SEL1L2: variants seen among roughly 807,000 people sequenced by gnomAD.
The protein encoded by SEL1L2 is SEL1L2 adaptor subunit of SYVN1 ubiquitin ligase.
SEL1L2 carries 89 observed loss-of-function variants against 98.8 expected under a neutral mutation model. That is an observed-to-expected ratio of 0.90 (90% confidence interval 0.76 to 1.07). The LOEUF is 1.07. SEL1L2 is among the 50% of genes least tolerant of loss of function. The probability of loss-of-function intolerance (pLI) is 0.00; values close to 1 mark genes in which losing one functional copy is unlikely to be tolerated. For missense variants in SEL1L2, 788 were observed against 812.0 expected (o/e 0.97, Z 0.36); for synonymous variants, 262 against 278.5 (o/e 0.94, Z 0.59).
chr20:13,884,269 C>G (rs552363521), intron 10 of SEL1L2, among the ~76,000 whole-genome samples: 50 of 152,078 alleles, frequency 3.3e-4, no homozygotes, highest in Middle Eastern at 3.4e-3. Context: ...AGACAAGGAG[C>G]ATGTGGCTCC....
At chr20:13,907,742 C>CTTTCT (rs1555880159) in intron 5 of SEL1L2, among the ~76,000 whole-genome samples, 1,217 of 83,474 alleles carry the variant, frequency 0.015, 19 homozygotes, top group African/African-American at 0.047. Context: ...TTCTTTCTTT[C>CTTTCT]TTTCTTTTCT....
intron 11 of SEL1L2, among the ~76,000 whole-genome samples, chr20:13,876,390 T>TTC (rs1189419537): frequency 1.4e-4 from 21 of 146,982 alleles, no homozygotes; most frequent in African/African-American, 4.0e-4. Context: ...TGTTTGTGTT[T>TTC]TCTCTCTCTC....
chr20:13,853,633 G>A (rs538446756), intron 18 of SEL1L2, among the ~76,000 whole-genome samples: 1 of 152,162 alleles, frequency 6.6e-6, no homozygotes, highest in African/African-American at 2.4e-5. Flanking sequence ...CTATAGGACA[G>A]GTGATACTAT....
intron 2 of SEL1L2, among the ~76,000 whole-genome samples, chr20:13,949,752 G>A (rs1298795545): frequency 1.3e-5 from 2 of 150,410 alleles, no homozygotes; most frequent in African/African-American, 2.4e-5. Flanking sequence ...GTGGACTATT[G>A]GTGGGCATGT....
intron 1 of SEL1L2, among the ~76,000 whole-genome samples, chr20:13,956,717 A>G (rs2050558988): frequency 6.6e-6 from 1 of 152,150 alleles, no homozygotes; most frequent in South Asian, 2.1e-4. Context: ...TATATCATAT[A>G]GAATACATGC....
chr20:13,907,306 T>G (rs938035563), intron 5 of SEL1L2, among the ~76,000 whole-genome samples: 7 of 152,190 alleles, frequency 4.6e-5, no homozygotes, highest in African/African-American at 1.7e-4. Flanking sequence ...GGCTCATGCC[T>G]GTGATCCCAG....
In SEL1L2 at chr20:13,889,931, G is replaced by T. The variant is rs1481854925; in HGVS notation, c.550-1419C>A. Among the ~76,000 whole-genome samples, 4 of 152,240 alleles carry T rather than the reference G, an allele frequency of 2.6e-5. No individual in the cohort carries two copies. In the East Asian group the frequency reaches 7.7e-4, roughly 29 times the overall value. On this transcript the variant is annotated intron_variant, in intron 5 of 19. Coordinates refer to ENST00000284951, the MANE Select transcript of SEL1L2 (RefSeq NM_025229.2). ...TCAAAGGCTGAGCACAGAGCAAGAT[G>T]ATGGAATAGGAAGCCTCAGACTGCA... is the stretch of plus-strand genomic sequence containing the variant.
intron 3 of SEL1L2, among the ~76,000 whole-genome samples, chr20:13,922,606 C>T (rs971109528): frequency 2.6e-5 from 4 of 152,100 alleles, no homozygotes; most frequent in Admixed American, 6.6e-5. Context: ...CTAGATTTTC[C>T]GCAGAGGAAA....
intron 5 of SEL1L2, among the ~76,000 whole-genome samples, chr20:13,893,052 C>T (rs917990809): frequency 2.2e-4 from 34 of 152,056 alleles, no homozygotes; most frequent in African/African-American, 7.5e-4. Flanking sequence ...TTCAATTGAC[C>T]CCAACAGACC....
chr20:13,876,170 C>A (rs945133428), intron 11 of SEL1L2, 55 bp from the exon 12 acceptor site: 20 of 1,270,204 alleles, frequency 1.6e-5, no homozygotes, highest in Non-Finnish European at 2.3e-5. Flanking sequence ...GAGAGTAATG[C>A]AAATATTTTA....
chr20:13,956,050 AT>A lies in SEL1L2; in HGVS notation c.114+25del, dbSNP rs772769511. ...TATAGCCTAAATTTTCTATTAAAAA[AT>A]GTAAAGATTTAGCAAAATATTTACC... On this transcript the variant is annotated intron_variant, in intron 2 of 19. Coordinates refer to ENST00000284951, the MANE Select transcript of SEL1L2 (RefSeq NM_025229.2). The A allele has an allele frequency of 4.4e-6, 6 of 1,370,338 alleles. No homozygotes were observed. In the South Asian group the frequency reaches 7.5e-5, roughly 17 times the overall value. 84.9% of individuals were successfully genotyped at this position (1,370,338 alleles called of 1,614,324 possible). A position where few individuals can be genotyped will look rare whatever the true frequency, so the allele number is the denominator to read the frequency against.
intron 1 of SEL1L2, among the ~76,000 whole-genome samples, chr20:13,989,419 A>C (rs886474542): frequency 6.6e-6 from 1 of 152,152 alleles, no homozygotes; most frequent in African/African-American, 2.4e-5. Flanking sequence ...GTGAATACAG[A>C]TCATTTTACT....
intron 2 of SEL1L2, among the ~76,000 whole-genome samples, chr20:13,953,510 A>G (rs752293017): frequency 5.9e-5 from 9 of 152,218 alleles, no homozygotes; most frequent in Middle Eastern, 3.4e-3. Context: ...ACTTCTGCAG[A>G]GGGGGGAATG....
intron 1 of SEL1L2, among the ~76,000 whole-genome samples, chr20:13,984,075 G>T (rs1249152795): frequency 6.7e-6 from 1 of 150,004 alleles, no homozygotes; most frequent in Non-Finnish European, 1.5e-5. Flanking sequence ...GCAGTGGCGT[G>T]ATCTAAGCTC....
Position 13,910,929 on chromosome 20 carries a change from T to C in SEL1L2, c.549+2853A>G, listed in dbSNP as rs888259788. On this transcript the variant is annotated intron_variant, in intron 5 of 19. Transcript: ENST00000284951. ...TAGAGTGAAACTCCAACTTCAGCTC[T>C]AAAATTCATGTGTTTTAGGAACCAT... Among the ~76,000 whole-genome samples the C allele has an allele frequency of 2.0e-5, 3 of 152,250 alleles. No individual in the cohort carries two copies. In the East Asian group the frequency reaches 5.8e-4, roughly 29 times the overall value.
chr20:13,856,258 T>C (rs1056723307), intron 18 of SEL1L2, among the ~76,000 whole-genome samples: 1 of 152,080 alleles, frequency 6.6e-6, no homozygotes, highest in Admixed American at 6.6e-5. Context: ...GCTTCCCAAG[T>C]AGCTGGGACA....
intron 10 of SEL1L2, among the ~76,000 whole-genome samples, chr20:13,878,631 T>A (rs993688957): frequency 4.6e-5 from 7 of 152,274 alleles, no homozygotes; most frequent in Non-Finnish European, 7.3e-5. Context: ...GCTGTAGGAA[T>A]GTTGCTAACT....
At chr20:13,959,844 T>C (rs1157005419) in intron 1 of SEL1L2, among the ~76,000 whole-genome samples, 1 of 152,224 alleles carries the variant, frequency 6.6e-6, no homozygotes, top group Non-Finnish European at 1.5e-5. Flanking sequence ...TATTTTAAAT[T>C]CACAGCCCAA....
intron 1 of SEL1L2, among the ~76,000 whole-genome samples, chr20:13,970,242 A>G (rs868793982): frequency 2.0e-5 from 3 of 152,306 alleles, no homozygotes; most frequent in Non-Finnish European, 1.5e-5. Context: ...TAAAATCCAG[A>G]ATCTCAAGGT....
Sources: gnomAD v4.1 joint callset for allele counts (sites outside exome capture counted in the v4.1 genomes callset) on GRCh38, gnomAD v4.1.1 for gene constraint, MANE v1.5 for transcripts, NCBI Gene and HGNC (gene_info 2026-07-23, HGNC 2026-07-21) for gene names.